SH3BP5L: variants seen among roughly 807,000 people sequenced by gnomAD.
SH3BP5L encodes SH3 binding domain protein 5 like, also known as SH3 domain-binding protein 5-like.
A neutral mutation model predicts 40.9 loss-of-function variants in SH3BP5L; 16 were observed. That is an observed-to-expected ratio of 0.39 (90% confidence interval 0.27 to 0.59). SH3BP5L has a LOEUF of 0.59. Ranked by LOEUF, SH3BP5L falls within the 20% of genes least tolerant of loss-of-function variation. The pLI, the probability that SH3BP5L is intolerant of heterozygous loss-of-function variation, is 0.53. For missense variants in SH3BP5L, 471 were observed against 544.6 expected (o/e 0.86, Z 1.35); for synonymous variants, 229 against 226.7 (o/e 1.01, Z -0.09).
chr1:248,814,642 C>G (rs958861185), intron 4 of SH3BP5L, 32 bp from the exon 5 acceptor site: 2 of 1,613,304 alleles, frequency 1.2e-6, no homozygotes, highest in South Asian at 2.2e-5. Flanking sequence ...GATGGGGAAC[C>G]CTGAGGGACC....
At chr1:248,813,608 T>G (rs1026305788) in intron 5 of SH3BP5L, 1 of 158,016 alleles carries the variant, frequency 6.3e-6, no homozygotes, top group African/African-American at 2.4e-5. Flanking sequence ...GATCTGGGAG[T>G]GAGAAGAGCC....
At chr1:248,823,402 G>C (rs966876145) in intron 2 of SH3BP5L, among the ~76,000 whole-genome samples, 1 of 152,200 alleles carries the variant, frequency 6.6e-6, no homozygotes. Context: ...CTGAGGCTCA[G>C]AAACGTAAAG....
chr1:248,818,880 A>C (rs368679746), intron 2 of SH3BP5L, among the ~76,000 whole-genome samples: 32 of 152,358 alleles, frequency 2.1e-4, no homozygotes, highest in African/African-American at 6.7e-4. Flanking sequence ...GTCTCTGGAC[A>C]GGAGGCTGGA....
chr1:248,813,965 T>G (rs1224072969), intron 5 of SH3BP5L: 1 of 176,658 alleles, frequency 5.7e-6, no homozygotes, highest in Non-Finnish European at 1.2e-5. Flanking sequence ...ACCTGCCCTG[T>G]GCAAGCTGAA....
chr1:248,815,804 C>A (rs1664090181), intron 4 of SH3BP5L, among the ~76,000 whole-genome samples: 2 of 152,238 alleles, frequency 1.3e-5, no homozygotes, highest in African/African-American at 4.8e-5. Context: ...GCCTCACCTA[C>A]TCCTTTCCAC....
intron 2 of SH3BP5L, among the ~76,000 whole-genome samples, chr1:248,824,435 A>G (rs1191408283): frequency 6.6e-6 from 1 of 152,142 alleles, no homozygotes; most frequent in Non-Finnish European, 1.5e-5. Context: ...AAAGAAGTAC[A>G]ACACACCTAC....
intron 4 of SH3BP5L, chr1:248,816,291 C>T (rs1664102554): frequency 2.0e-6 from 1 of 492,582 alleles, no homozygotes; most frequent in South Asian, 2.3e-5. Flanking sequence ...GGCACTTAAA[C>T]ATTAGCAGGG....
rs1664370725 is a variant in SH3BP5L at position 248,825,913 on chromosome 1, A to G, written c.-510T>C. 2 of 941,452 alleles carry G rather than the reference A, an allele frequency of 2.1e-6. No homozygotes were observed. Among genetic ancestry groups the G allele is most frequent in the African/African-American group, 3.7e-5 (2 of 53,808 alleles). 58.3% of individuals were successfully genotyped at this position (941,452 alleles called of 1,614,324 possible). A position where few individuals can be genotyped will look rare whatever the true frequency, so the allele number is the denominator to read the frequency against. On this transcript the variant is annotated 5_prime_UTR_variant, in exon 1 of 7. Coordinates refer to ENST00000366472, the MANE Select transcript of SH3BP5L (RefSeq NM_030645.3). ...CTCCCTCCCCGCAACAAGCCGATCC[A>G]ACCAAAAACGACCAGGCAGACCAGA...
At position 248,825,027 on chromosome 1, in the gene SH3BP5L, G is replaced by T; in HGVS notation, c.-92C>A. The T allele has an allele frequency of 4.0e-6, 6 of 1,490,368 alleles. No homozygotes were observed. The highest frequency in any genetic ancestry group is 5.3e-6 in the Non-Finnish European group (6 of 1,126,696). 92.3% of individuals were successfully genotyped at this position (1,490,368 alleles called of 1,614,324 possible). A position where few individuals can be genotyped will look rare whatever the true frequency, so the allele number is the denominator to read the frequency against. Reference sequence around the variant, plus strand: ...CTTGGGGCTTCCTGGGCTCTAGATGGCCAGGAGAAGAGTTTCTCTTCTCAA... The same window carrying T: ...CTTGGGGCTTCCTGGGCTCTAGATGTCCAGGAGAAGAGTTTCTCTTCTCAA... On this transcript the variant is annotated 5_prime_UTR_variant, in exon 2 of 7. Transcript: ENST00000366472.
intron 2 of SH3BP5L, chr1:248,820,399 CT>C (rs1396796414): frequency 1.3e-5 from 2 of 152,376 alleles, no homozygotes; most frequent in African/African-American, 4.8e-5. Context: ...GAAAGGCAAC[CT>C]ACCTCCCTGG....
chr1:248,822,834 T>C (rs1384498759), intron 2 of SH3BP5L, among the ~76,000 whole-genome samples: 1 of 152,104 alleles, frequency 6.6e-6, no homozygotes. Flanking sequence ...GGCTAGCTTT[T>C]TTTATTTTTA....
Position 248,821,698 on chromosome 1 carries a change from C to T in SH3BP5L, c.183+3055G>A, listed in dbSNP as rs186704884. ...CCTCTTCCCTCCACTGGAACCCTCT[C>T]GGAAAGCTGAGGATGAGCCTGGAGG... On this transcript the variant is annotated intron_variant, in intron 2 of 6. Transcript: ENST00000366472. This position sits in a 1 kb window ranked among gnomAD's most constrained non-coding sequence, Gnocchi z 4.6. Among the ~76,000 whole-genome samples the T allele has an allele frequency of 4.1e-3, 628 of 152,124 alleles. 6 individuals are homozygous for T. Among genetic ancestry groups the T allele is most frequent in the South Asian group, 7.7e-3 (37 of 4,810 alleles).
intron 2 of SH3BP5L, among the ~76,000 whole-genome samples, chr1:248,817,628 A>G (rs1664142572): frequency 1.3e-5 from 2 of 152,122 alleles, no homozygotes; most frequent in South Asian, 4.1e-4. Flanking sequence ...CGAGGCAGGC[A>G]GATCACCTGA....
At chr1:248,815,918 T>A (rs1185456049) in intron 4 of SH3BP5L, 5 of 153,394 alleles carry the variant, frequency 3.3e-5, no homozygotes, top group Admixed American at 3.2e-4. Flanking sequence ...GGATGTCCCC[T>A]CCTCTCGGGA....
chr1:248,823,976 G>C (rs1196522841), intron 2 of SH3BP5L, among the ~76,000 whole-genome samples: 1 of 152,150 alleles, frequency 6.6e-6, no homozygotes, highest in African/African-American at 2.4e-5. Flanking sequence ...GATTGGCCAG[G>C]CATCTCTTCC....
In SH3BP5L at chr1:248,812,936, C is replaced by A; in HGVS notation, c.711+53G>T. Reference sequence around the variant, plus strand: ...CCAGAGAGGCCGACCAGCATCCCCTCCAGCCTGCACCCCCACCTACCCATT... The same window carrying A: ...CCAGAGAGGCCGACCAGCATCCCCTACAGCCTGCACCCCCACCTACCCATT... On this transcript the variant is annotated intron_variant, in intron 6 of 6. Coordinates refer to ENST00000366472, the MANE Select transcript of SH3BP5L (RefSeq NM_030645.3). The surrounding 1 kb of genome is among the most constrained non-coding windows in gnomAD (Gnocchi z 6.1). The A allele has an allele frequency of 1.3e-6, 2 of 1,508,586 alleles. No individual in the cohort carries two copies. Among genetic ancestry groups the A allele is most frequent in the Non-Finnish European group, 1.8e-6 (2 of 1,115,068 alleles). 93.5% of individuals were successfully genotyped at this position (1,508,586 alleles called of 1,614,324 possible).
rs1663883606 is a variant in SH3BP5L, at chr1:248,810,752, G to A, written c.*1148C>T. The A allele has an allele frequency of 6.6e-6, 1 of 152,352 alleles. No individual in the cohort carries two copies. Among genetic ancestry groups the A allele is most frequent in the Admixed American group, 6.5e-5 (1 of 15,286 alleles). The allele number at this position is 152,352 out of a possible 1,614,324, so 9.4% of individuals were successfully genotyped here. On this transcript the variant is annotated 3_prime_UTR_variant, in exon 7 of 7. Transcript: ENST00000366472. Reference sequence around the variant, plus strand: ...TCCCAAGGCACCCAGATCTGGTGTGGCTTCCCTACAAACTGGGAGCACTGC... The same window carrying A: ...TCCCAAGGCACCCAGATCTGGTGTGACTTCCCTACAAACTGGGAGCACTGC...
chr1:248,818,733 CGA>C (rs1024971648), intron 2 of SH3BP5L, among the ~76,000 whole-genome samples: 2 of 152,194 alleles, frequency 1.3e-5, no homozygotes, highest in African/African-American at 4.8e-5. Flanking sequence ...CTCCCTTGCC[CGA>C]GAAAACACAA....
In SH3BP5L at chr1:248,813,009, G is replaced by C; in HGVS notation, c.691C>G (p.Gln231Glu). 6.3e-7 allele frequency: 1 copy of C among 1,597,562 alleles called. No homozygotes were observed. The highest frequency in any genetic ancestry group is 8.6e-7 in the Non-Finnish European group (1 of 1,169,306). The change falls in exon 6 of 7, where the codon CAG becomes GAG. Residue 231 changes from glutamine (Q) to glutamate (E), a missense_variant. Around this residue, in one of 2 missense-constraint regions of SH3BP5L, gnomAD observed 275 missense variants for 370.1 expected, o/e 0.74. Transcript: ENST00000366472. ...GCTACCTCCAGGATCTGGCTGAACT[G>C]GGCCTTGAGCTCAAAGTAGGGGCGG... is the stretch of plus-strand genomic sequence containing the variant. ...KSRPYFELKA[Q>E]FSQILEEHKA...
Sources: allele counts gnomAD v4.1 joint callset (sites outside exome capture counted in the v4.1 genomes callset), GRCh38; gene constraint gnomAD v4.1.1; regional missense constraint gnomAD v4.1.1; non-coding constraint Gnocchi (gnomAD v3.1); transcripts MANE v1.5; gene names NCBI Gene and HGNC (gene_info 2026-07-23, HGNC 2026-07-21).